RRN3: variants seen among roughly 807,000 people sequenced by gnomAD.
RRN3 encodes the protein RNA polymerase I-specific transcription initiation factor RRN3.
Under a neutral mutation model 82.3 loss-of-function variants are expected in RRN3, and 38 were observed. That is an observed-to-expected ratio of 0.46 (90% CI 0.36 to 0.61). The LOEUF is 0.61. Ranked by LOEUF, RRN3 falls within the 20% of genes least tolerant of loss-of-function variation. The pLI, the probability that RRN3 is intolerant of heterozygous loss-of-function variation, is 0.00. For missense variants in RRN3, 726 were observed against 793.1 expected (o/e 0.92, Z 1.02); for synonymous variants, 284 against 284.3 (o/e 1.00, Z 0.01).
At position 15,086,134 on chromosome 16, in the gene RRN3, A is replaced by C; in HGVS notation, c.467T>G (p.Val156Gly). 1 of 1,603,192 alleles carries C rather than the reference A, an allele frequency of 6.2e-7. No individual in the cohort carries two copies. The highest frequency in any genetic ancestry group is 2.2e-5 in the East Asian group (1 of 44,744). Reference protein sequence around the residue: ...PCLSMIASHFVPPRVIIKEGD... With the variant: ...PCLSMIASHFGPPRVIIKEGD... The stretch of plus-strand genomic sequence containing the variant: ...AATTCCAAGCAATGACTTACGAGGC[A>C]CAAAATGGGAAGCAATCATGCTGAG... The change falls in exon 5 of 18, where the codon GTG becomes GGG. Residue 156 changes from valine (V) to glycine (G), a missense_variant. Val to Gly is a moderately radical substitution (Grantham distance 109). Coordinates refer to ENST00000198767, the MANE Select transcript of RRN3 (RefSeq NM_018427.5).
intron 16 of RRN3, among the ~76,000 whole-genome samples, chr16:15,064,415 T>C (rs970340810): frequency 2.0e-5 from 3 of 152,108 alleles, no homozygotes; most frequent in African/African-American, 4.8e-5. Context: ...CTTCAAGTGA[T>C]CCGCCCGCCT....
chr16:15,066,049 C>T (rs1466755994), intron 15 of RRN3, among the ~76,000 whole-genome samples: 1 of 152,180 alleles, frequency 6.6e-6, no homozygotes, highest in African/African-American at 2.4e-5. Context: ...ACAGCTTCTC[C>T]AAGATGAGGA....
At chr16:15,075,593 GAA>G in intron 10 of RRN3, among the ~76,000 whole-genome samples, 1 of 22,374 alleles carries the variant, frequency 4.5e-5, no homozygotes, top group Non-Finnish European at 2.4e-4. Flanking sequence ...AGAAAGAAAA[GAA>G]AGAAAGAAAT....
intron 6 of RRN3, among the ~76,000 whole-genome samples, chr16:15,085,181 A>G (rs1225364181): frequency 2.0e-5 from 3 of 152,270 alleles, no homozygotes; most frequent in African/African-American, 7.2e-5. Flanking sequence ...AGCATCAACG[A>G]AAATTAAATG....
intron 6 of RRN3, 57 bp from the exon 7 acceptor site, chr16:15,084,762 C>T: frequency 8.2e-7 from 1 of 1,215,844 alleles, no homozygotes; most frequent in Non-Finnish European, 1.2e-6. Context: ...GGGCGACACG[C>T]TTGAAGCTAA....
chr16:15,066,735 A>C (rs2044993386), intron 15 of RRN3, among the ~76,000 whole-genome samples: 1 of 151,540 alleles, frequency 6.6e-6, no homozygotes, highest in East Asian at 1.9e-4. Flanking sequence ...AATCAAAATA[A>C]AGCTTTGTGT....
At chr16:15,062,650 A>G (rs936670191) in intron 17 of RRN3, among the ~76,000 whole-genome samples, 3 of 152,230 alleles carry the variant, frequency 2.0e-5, no homozygotes, top group African/African-American at 7.2e-5. Context: ...CAATTTCAAC[A>G]TGAGTCAACT....
Position 15,086,288 on chromosome 16 carries a change from C to T in RRN3, c.343-30G>A, listed in dbSNP as rs2151815081. 4 of 1,569,354 alleles carry T rather than the reference C, an allele frequency of 2.5e-6. No homozygotes were observed. The South Asian group carries it at 4.6e-5, about 18-fold the overall frequency. On this transcript the variant is annotated intron_variant, in intron 4 of 17. Transcript: ENST00000198767. ...AGTGGGGGAAGAAAGATAAAAGCAG[C>T]ATGTTATTAATATAACATATACTAT...
chr16:15,074,783 G>A lies in RRN3; in HGVS notation c.937C>T (p.Arg313Cys), dbSNP rs143971099. The A allele has an allele frequency of 7.4e-6, 12 of 1,613,870 alleles. No individual in the cohort carries two copies. The highest frequency in any genetic ancestry group is 5.3e-5 in the African/African-American group (4 of 74,870). ...LDQMVHPVAE[R>C]LDILMSLVLS... ...ACCAAAGACATCAGGATGTCCAGGC[G>A]CTCGGCTACAGGATGCACCATCTGG... The change falls in exon 11 of 18, where the codon CGC (arginine) becomes TGC (cysteine). Residue 313 changes from arginine (R) to cysteine (C), a missense_variant. Arg to Cys is a radical substitution (Grantham distance 180). Coordinates refer to ENST00000198767, the MANE Select transcript of RRN3 (RefSeq NM_018427.5).
At chr16:15,074,974 G>A (rs2045389446) in intron 10 of RRN3, 113 bp from the exon 11 acceptor site, 8 of 1,109,008 alleles carry the variant, frequency 7.2e-6, no homozygotes, top group South Asian at 1.7e-5. Context: ...AAGAGGCTGG[G>A]GAAAGCGGCT....
intron 8 of RRN3, among the ~76,000 whole-genome samples, chr16:15,082,541 C>T (rs943116278): frequency 6.6e-6 from 1 of 151,774 alleles, no homozygotes; most frequent in African/African-American, 2.4e-5. Flanking sequence ...GGTGTGGTGC[C>T]CCATGTCTAT....
At position 15,086,114 on chromosome 16, in the gene RRN3, C is replaced by A. The variant is rs1334924823; in HGVS notation, c.472+15G>T. ...AAGTATTAAAAAGAAAATAAAATTCCAAGCAATGACTTACGAGGCACAAAA... is the reference window on the plus strand; with the variant it reads ...AAGTATTAAAAAGAAAATAAAATTCAAAGCAATGACTTACGAGGCACAAAA... On this transcript the variant is annotated intron_variant, in intron 5 of 17. Coordinates refer to ENST00000198767, the MANE Select transcript of RRN3 (RefSeq NM_018427.5). 3 of 1,604,726 alleles carry A rather than the reference C, an allele frequency of 1.9e-6. No individual in the cohort carries two copies. In the Admixed American group the frequency reaches 5.1e-5, roughly 27 times the overall value.
In RRN3 at chr16:15,061,649, A is replaced by G. The variant is rs2044714668; in HGVS notation, c.*95T>C. ...CGAGGCAGGCACTCGCTCTAGTTCAATGCCATCAATGCCCAATGGCACAAG... is the reference window on the plus strand; with the variant it reads ...CGAGGCAGGCACTCGCTCTAGTTCAGTGCCATCAATGCCCAATGGCACAAG... On this transcript the variant is annotated 3_prime_UTR_variant, in exon 18 of 18. Coordinates refer to ENST00000198767, the MANE Select transcript of RRN3 (RefSeq NM_018427.5). 8.2e-7 allele frequency: 1 copy of G among 1,221,492 alleles called. No individual in the cohort carries two copies. The highest frequency in any genetic ancestry group is 1.2e-6 in the Non-Finnish European group (1 of 852,814). 75.7% of individuals were successfully genotyped at this position (1,221,492 alleles called of 1,614,324 possible). A position where few individuals can be genotyped will look rare whatever the true frequency, so the allele number is the denominator to read the frequency against.
rs778334059 is a variant in RRN3 at position 15,072,975 on chromosome 16, A to G, written c.1103T>C (p.Met368Thr). The change falls in exon 12 of 18, where the codon ATG becomes ACG. Residue 368 changes from methionine to threonine, a missense_variant. Transcript: ENST00000198767. ...CAATTTGAAACTACAGAGGTAAAACATGAAAAACTGTACATGGCAGGAGGC... is the reference window on the plus strand; with the variant it reads ...CAATTTGAAACTACAGAGGTAAAACGTGAAAAACTGTACATGGCAGGAGGC... The part of the protein sequence containing the change: ...THASCHVQFF[M>T]FYLCSFKLGF... 1 of 1,613,846 alleles carries G rather than the reference A, an allele frequency of 6.2e-7. No homozygotes were observed. The highest frequency in any genetic ancestry group is 1.1e-5 in the South Asian group (1 of 90,916).
intron 17 of RRN3, among the ~76,000 whole-genome samples, chr16:15,062,377 CAT>C (rs1490809942): frequency 6.6e-6 from 1 of 152,122 alleles, no homozygotes; most frequent in Non-Finnish European, 1.5e-5. Flanking sequence ...ACAAATGAAA[CAT>C]AAAGAAAAAG....
chr16:15,074,600 A>G, intron 11 of RRN3, 123 bp downstream of exon 11: 1 of 653,664 alleles, frequency 1.5e-6, no homozygotes, highest in African/African-American at 1.9e-5. Flanking sequence ...ATCATCTTAA[A>G]CTCATACTCA....
At position 15,061,678 on chromosome 16, in the gene RRN3, G is replaced by A. The variant is rs1007801756; in HGVS notation, c.*66C>T. On this transcript the variant is annotated 3_prime_UTR_variant, in exon 18 of 18. Transcript: ENST00000198767. ...CATCAATGCCCAATGGCACAAGCTG[G>A]GTGCTGAGGGCATGACAAGTGATGG... is the stretch of plus-strand genomic sequence containing the variant. 3 of 1,484,756 alleles carry A rather than the reference G, an allele frequency of 2.0e-6. No individual in the cohort carries two copies. Among genetic ancestry groups the A allele is most frequent in the African/African-American group, 2.8e-5 (2 of 72,438 alleles). 92.0% of individuals were successfully genotyped at this position (1,484,756 alleles called of 1,614,324 possible).
intron 14 of RRN3, among the ~76,000 whole-genome samples, chr16:15,069,372 A>G (rs2045124474): frequency 6.6e-6 from 1 of 152,222 alleles, no homozygotes; most frequent in Non-Finnish European, 1.5e-5. Flanking sequence ...GAAGTGACCC[A>G]CAAAACCATA....
intron 9 of RRN3, among the ~76,000 whole-genome samples, chr16:15,077,035 A>T (rs1457814446): frequency 6.7e-6 from 1 of 150,048 alleles, no homozygotes; most frequent in Admixed American, 6.7e-5. Context: ...GCTGGAATAC[A>T]ATGGCAAGAT....
Sources: gnomAD v4.1 joint callset for allele counts (sites outside exome capture counted in the v4.1 genomes callset) on GRCh38, gnomAD v4.1.1 for gene constraint, MANE v1.5 for transcripts, NCBI Gene and HGNC (gene_info 2026-07-23, HGNC 2026-07-21) for gene names.